Variants in PTPRD observed in about 807,000 individuals in gnomAD.
The protein encoded by PTPRD is receptor-type tyrosine-protein phosphatase delta.
PTPRD carries 34 observed loss-of-function variants against 214.5 expected under a neutral mutation model. The ratio of observed to expected loss-of-function variants is 0.16; its 90% CI spans 0.12 to 0.21. The LOEUF (loss-of-function observed/expected upper bound fraction) is 0.21. Ranked by LOEUF, PTPRD falls within the 10% of genes least tolerant of loss-of-function variation. The probability of loss-of-function intolerance (pLI) is 1.00; values close to 1 mark genes in which losing one functional copy is unlikely to be tolerated. For synonymous variants in PTPRD, 1,128 were observed against 845.7 expected (o/e 1.33, Z -5.79); for missense variants, 2,545 against 2,398.7 (o/e 1.06, Z -1.27).
At chr9:8,633,600 G>GA in intron 13 of PTPRD, 142 bp from the exon 14 acceptor site, 4 of 936,110 alleles carry the variant, frequency 4.3e-6, no homozygotes, top group Non-Finnish European at 6.2e-6. Context: ...ATATAGTGGT[G>GA]AAAAAATATT....
At chr9:10,274,632 G>T (rs1595895756) in intron 3 of PTPRD, among the ~76,000 whole-genome samples, 1 of 152,260 alleles carries the variant, frequency 6.6e-6, no homozygotes, top group South Asian at 2.1e-4. Flanking sequence ...TTTAGATATT[G>T]CTCATAGTTA....
chr9:8,693,537 T>G (rs1183572114), intron 12 of PTPRD, among the ~76,000 whole-genome samples: 1 of 152,176 alleles, frequency 6.6e-6, no homozygotes, highest in Non-Finnish European at 1.5e-5. Context: ...TATCAGTACT[T>G]AGAAAATAAG....
chr9:9,871,154 TAGAA>T (rs1184678474), intron 5 of PTPRD, among the ~76,000 whole-genome samples: 4 of 152,042 alleles, frequency 2.6e-5, no homozygotes, highest in Non-Finnish European at 5.9e-5. Context: ...CTACAAAAAT[TAGAA>T]AGAAAATAAA....
intron 11 of PTPRD, among the ~76,000 whole-genome samples, chr9:8,980,714 A>G (rs530074168): frequency 6.6e-6 from 1 of 152,240 alleles, no homozygotes; most frequent in African/African-American, 2.4e-5. Context: ...TCATAAATAT[A>G]TGTAGCCCCA....
intron 9 of PTPRD, among the ~76,000 whole-genome samples, chr9:9,251,011 C>G (rs1209819909): frequency 6.6e-6 from 1 of 152,020 alleles, no homozygotes; most frequent in African/African-American, 2.4e-5. Flanking sequence ...GAAATTGACC[C>G]TCTTTTCCAT....
chr9:9,343,159 G>A (rs531850990), intron 9 of PTPRD, among the ~76,000 whole-genome samples: 2 of 152,238 alleles, frequency 1.3e-5, no homozygotes, highest in African/African-American at 4.8e-5. Context: ...TGGTTCCAAG[G>A]CTTTGCTATT....
At chr9:8,368,587 G>C (rs557005027) in intron 39 of PTPRD, among the ~76,000 whole-genome samples, 1 of 151,394 alleles carries the variant, frequency 6.6e-6, no homozygotes, top group Non-Finnish European at 1.5e-5. Context: ...TCATCAGGCA[G>C]CCAGAATGCT....
chr9:9,610,801 A>G (rs998120349), intron 7 of PTPRD, among the ~76,000 whole-genome samples: 1 of 152,190 alleles, frequency 6.6e-6, no homozygotes, highest in Admixed American at 6.5e-5. Flanking sequence ...GGTAAAAATA[A>G]GAAAACAAAA....
At chr9:9,659,988 C>G (rs1250363029) in intron 7 of PTPRD, among the ~76,000 whole-genome samples, 1 of 151,900 alleles carries the variant, frequency 6.6e-6, no homozygotes, top group African/African-American at 2.4e-5. Context: ...AATGAATTTC[C>G]CTTGTATAAT....
intron 3 of PTPRD, among the ~76,000 whole-genome samples, chr9:10,068,461 T>G (rs1384594074): frequency 6.6e-6 from 1 of 151,982 alleles, no homozygotes; most frequent in Non-Finnish European, 1.5e-5. Flanking sequence ...TGGATTGGTC[T>G]GCTACACATT....
chr9:9,169,269 T>C (rs543374835), intron 10 of PTPRD, among the ~76,000 whole-genome samples: 87 of 152,244 alleles, frequency 5.7e-4, no homozygotes, highest in African/African-American at 1.6e-3. Flanking sequence ...ATAAAGGTCA[T>C]ACTACAAAAA....
At chr9:9,227,252 A>G (rs1485984478) in intron 9 of PTPRD, among the ~76,000 whole-genome samples, 1 of 152,000 alleles carries the variant, frequency 6.6e-6, no homozygotes, top group Admixed American at 6.6e-5. Context: ...CTTTTTTCAT[A>G]CACATCACAA....
intron 7 of PTPRD, among the ~76,000 whole-genome samples, chr9:9,668,360 G>C (rs1425025811): frequency 1.3e-5 from 2 of 152,042 alleles, no homozygotes; most frequent in Admixed American, 1.3e-4. Flanking sequence ...TGCTTATTTG[G>C]GGAAATTTTT....
intron 8 of PTPRD, among the ~76,000 whole-genome samples, chr9:9,488,278 T>C (rs2095743916): frequency 6.6e-6 from 1 of 152,236 alleles, no homozygotes; most frequent in East Asian, 1.9e-4. Flanking sequence ...ACTGCTACAG[T>C]AATTCTTTGG....
chr9:9,870,367 A>G (rs1469516946), intron 5 of PTPRD, among the ~76,000 whole-genome samples: 2 of 151,438 alleles, frequency 1.3e-5, no homozygotes, highest in Non-Finnish European at 2.9e-5. Flanking sequence ...GAAGTTAAAT[A>G]GGGCAGCCTA....
At chr9:8,989,311 C>T (rs577721547) in intron 11 of PTPRD, among the ~76,000 whole-genome samples, 1 of 152,098 alleles carries the variant, frequency 6.6e-6, no homozygotes, top group Non-Finnish European at 1.5e-5. Context: ...AGAACTGATC[C>T]CCTCTAACTG....
intron 5 of PTPRD, among the ~76,000 whole-genome samples, chr9:9,924,314 G>T (rs990429167): frequency 1.3e-5 from 2 of 151,962 alleles, no homozygotes; most frequent in Non-Finnish European, 2.9e-5. Context: ...AAAAGGACCA[G>T]ATACACGAGC....
chr9:8,406,590 C>A (rs1242926481), intron 35 of PTPRD, among the ~76,000 whole-genome samples: 2 of 152,178 alleles, frequency 1.3e-5, no homozygotes, highest in Admixed American at 1.3e-4. Flanking sequence ...ATCTACACTA[C>A]ACCTGGCTCA....
chr9:10,043,686 T>C (rs184270761), intron 3 of PTPRD, among the ~76,000 whole-genome samples: 2 of 151,860 alleles, frequency 1.3e-5, no homozygotes, highest in Non-Finnish European at 2.9e-5. Context: ...CAAAATGATA[T>C]AAAGAAACAA....
Sources: gnomAD v4.1 joint callset for allele counts (sites outside exome capture counted in the v4.1 genomes callset) on GRCh38, gnomAD v4.1.1 for gene constraint, MANE v1.5 for transcripts, NCBI Gene and HGNC (gene_info 2026-07-23, HGNC 2026-07-21) for gene names.